The following VIT variants were observed in gnomAD, a reference collection of about 807,000 sequenced individuals.
VIT encodes the protein vitrin.
In VIT, 99 loss-of-function variants were observed where a neutral mutation model predicts 78.0. That is an observed-to-expected ratio of 1.27 (90% CI 1.08 to 1.50). The LOEUF (loss-of-function observed/expected upper bound fraction) is 1.50. VIT is among the 40% of genes most tolerant of loss of function. The pLI is 0.00. For missense variants in VIT, 1,126 were observed against 875.3 expected, an observed-to-expected ratio of 1.29 and a Z score of -3.61; for synonymous variants, 374 against 334.3, an observed-to-expected ratio of 1.12 and a Z score of -1.29.
chr2:36,783,380 G>A lies in VIT; in HGVS notation c.888G>A (p.Glu296=), dbSNP rs1216699939. 2 of 1,614,046 alleles carry A rather than the reference G, an allele frequency of 1.2e-6. No homozygotes were observed. The highest frequency in any genetic ancestry group is 1.7e-6 in the Non-Finnish European group (2 of 1,180,030). Residue 296 remains glutamate (E), a synonymous_variant, in exon 11 of 16, where the codon GAG becomes GAA. Coordinates refer to ENST00000379242, the MANE Select transcript of VIT (RefSeq NM_053276.4). The stretch of plus-strand genomic sequence containing the variant: ...AAGAATTGAGCACACAGTCTTTGGA[G>A]CCAGTATCCCTGGGAGATCCAAGTA... ...PKEELSTQSL[E]PVSLGDPNCK... is the part of the protein sequence containing the mutation.
intron 12 of VIT, among the ~76,000 whole-genome samples, chr2:36,795,229 T>G (rs1665789265): frequency 6.6e-6 from 1 of 152,142 alleles, no homozygotes; most frequent in African/African-American, 2.4e-5. Context: ...CTCAAACTTG[T>G]AATTCCAGGA....
At chr2:36,796,511 C>A (rs1296104714) in intron 12 of VIT, among the ~76,000 whole-genome samples, 1 of 152,112 alleles carries the variant, frequency 6.6e-6, no homozygotes, top group African/African-American at 2.4e-5. Context: ...AGGGAATCGA[C>A]AATTGCTCTA....
chr2:36,725,532 C>CAGAG (rs1395390229), intron 2 of VIT, among the ~76,000 whole-genome samples: 5 of 129,668 alleles, frequency 3.9e-5, no homozygotes, highest in African/African-American at 1.5e-4. Context: ...TGTGACCTCC[C>CAGAG]AAAGGCTCCA....
chr2:36,774,931 G>C (rs1335202550), intron 8 of VIT, 71 bp from the exon 9 acceptor site: 5 of 1,594,230 alleles, frequency 3.1e-6, no homozygotes, highest in Non-Finnish European at 4.3e-6. Flanking sequence ...ATTTTCACCG[G>C]GGGCAAAATA....
intron 12 of VIT, among the ~76,000 whole-genome samples, chr2:36,800,763 G>A (rs1201758352): frequency 1.3e-5 from 2 of 152,162 alleles, no homozygotes; most frequent in African/African-American, 4.8e-5. Flanking sequence ...CAGCAAAATA[G>A]ATGTTGACCT....
rs1423358496 is a variant in VIT, at chr2:36,754,960, G to A, written c.315G>A (p.Arg105=). Reference sequence around the variant, plus strand: ...ATTCAGGAGGGAAAATACTTGTTCGGAAGGTTGCTGGACAGTCTGGTTACA... The same window carrying A: ...ATTCAGGAGGGAAAATACTTGTTCGAAAGGTTGCTGGACAGTCTGGTTACA... The part of the protein sequence containing the change: ...LDNSGGKILV[R]KVAGQSGYKG... Residue 105 remains arginine (R), a synonymous_variant, in exon 5 of 16, where the codon CGG becomes CGA. Transcript: ENST00000379242. 6.2e-7 allele frequency: 1 copy of A among 1,614,080 alleles called. No individual in the cohort carries two copies. Among genetic ancestry groups the A allele is most frequent in the Admixed American group, 1.7e-5 (1 of 60,016 alleles).
intron 2 of VIT, among the ~76,000 whole-genome samples, chr2:36,728,471 G>C (rs116572185): frequency 6.6e-6 from 1 of 152,070 alleles, no homozygotes; most frequent in East Asian, 1.9e-4. Flanking sequence ...AAATTAAAAA[G>C]TTTATAAGGT....
intron 7 of VIT, among the ~76,000 whole-genome samples, chr2:36,769,365 G>A (rs1222193656): frequency 6.6e-6 from 1 of 152,190 alleles, no homozygotes; most frequent in Non-Finnish European, 1.5e-5. Flanking sequence ...TTGAAGTAGT[G>A]GCTCCTAACC....
intron 13 of VIT, among the ~76,000 whole-genome samples, chr2:36,803,792 G>C (rs561913501): frequency 6.6e-6 from 1 of 152,298 alleles, no homozygotes; most frequent in East Asian, 1.9e-4. Flanking sequence ...AAAGTCTAAA[G>C]AAGGTGCTTC....
At chr2:36,797,878 C>T (rs564093098) in intron 12 of VIT, among the ~76,000 whole-genome samples, 1 of 152,198 alleles carries the variant, frequency 6.6e-6, no homozygotes, top group African/African-American at 2.4e-5. Flanking sequence ...ATATTATGCA[C>T]GGTGTTGGTT....
intron 6 of VIT, among the ~76,000 whole-genome samples, chr2:36,760,431 A>C (rs989569699): frequency 6.6e-6 from 1 of 152,132 alleles, no homozygotes; most frequent in Non-Finnish European, 1.5e-5. Context: ...ATTACTTTTT[A>C]ATGGATCCAG....
intron 15 of VIT, among the ~76,000 whole-genome samples, chr2:36,812,314 G>C (rs971794446): frequency 2.0e-5 from 3 of 152,120 alleles, no homozygotes; most frequent in Non-Finnish European, 4.4e-5. Context: ...TGGGGGACTC[G>C]GGGGGAGGTG....
intron 9 of VIT, among the ~76,000 whole-genome samples, chr2:36,778,180 A>C (rs1195070748): frequency 2.0e-5 from 3 of 152,240 alleles, no homozygotes; most frequent in Non-Finnish European, 4.4e-5. Context: ...AGAGCTACAA[A>C]CACGAATCAA....
At chr2:36,730,617 G>A (rs540706246) in intron 3 of VIT, among the ~76,000 whole-genome samples, 25 of 152,258 alleles carry the variant, frequency 1.6e-4, no homozygotes, top group African/African-American at 5.5e-4. Context: ...GGCCTTGCTC[G>A]GCCACATTGG....
chr2:36,792,142 G>T (rs372538420), intron 12 of VIT, among the ~76,000 whole-genome samples: 1 of 152,220 alleles, frequency 6.6e-6, no homozygotes, highest in African/African-American at 2.4e-5. Context: ...ATCTGGCAAG[G>T]GGATGAGACC....
At chr2:36,702,481 TAC>T (rs1665125926) in intron 1 of VIT, among the ~76,000 whole-genome samples, 1 of 152,182 alleles carries the variant, frequency 6.6e-6, no homozygotes, top group Non-Finnish European at 1.5e-5. Context: ...ATGTATGTAA[TAC>T]TACGTGATCC....
At chr2:36,753,862 G>A (rs1041528424) in intron 4 of VIT, among the ~76,000 whole-genome samples, 2 of 152,226 alleles carry the variant, frequency 1.3e-5, no homozygotes, top group African/African-American at 4.8e-5. Flanking sequence ...ATGGGAGCAA[G>A]AGGGACAAAC....
At chr2:36,801,774 TGAA>T (rs1558586803) in intron 13 of VIT, among the ~76,000 whole-genome samples, 5 of 125,260 alleles carry the variant, frequency 4.0e-5, no homozygotes, top group Non-Finnish European at 5.0e-5. Context: ...AGACTCCATC[TGAA>T]AAAAAAAAAA....
chr2:36,725,602 T>TGGGGGGGGGGG (rs112932967), intron 2 of VIT, among the ~76,000 whole-genome samples: 3 of 48,808 alleles, frequency 6.1e-5, no homozygotes, highest in Non-Finnish European at 1.2e-4. Flanking sequence ...AGTTGAGGGG[T>TGGGGGGGGGGG]GGGGGGGGGG....
Sources: gnomAD v4.1 joint callset for allele counts (sites outside exome capture counted in the v4.1 genomes callset) on GRCh38, gnomAD v4.1.1 for gene constraint, MANE v1.5 for transcripts, NCBI Gene and HGNC (gene_info 2026-07-23, HGNC 2026-07-21) for gene names.